The following PCDH15 variants were observed in gnomAD, a reference collection of about 807,000 sequenced individuals.
PCDH15 encodes protocadherin-15.
In PCDH15, 129 loss-of-function variants were observed where a neutral mutation model predicts 178.5. The observed-to-expected ratio is 0.72, with a 90% confidence interval of 0.63 to 0.84. The LOEUF (loss-of-function observed/expected upper bound fraction) is 0.84. Among genes scored for constraint, PCDH15 ranks in the 40% least tolerant of loss-of-function variants. The pLI is 0.00. For synonymous variants in PCDH15, 800 were observed against 732.0 expected, an observed-to-expected ratio of 1.09 and a Z score of -1.50; for missense variants, 2,230 against 2,099.9, an observed-to-expected ratio of 1.06 and a Z score of -1.21.
At chr10:55,112,313 C>T (rs1258453298) in intron 2 of PCDH15, among the ~76,000 whole-genome samples, 1 of 152,000 alleles carries the variant, frequency 6.6e-6, no homozygotes, top group Non-Finnish European at 1.5e-5. Flanking sequence ...GTTTTCTTGC[C>T]CTCTGTCCAC....
intron 2 of PCDH15, among the ~76,000 whole-genome samples, chr10:55,478,836 A>AAAT (rs1325776216): frequency 1.3e-5 from 2 of 150,828 alleles, no homozygotes; most frequent in Non-Finnish European, 3.0e-5. Context: ...AAAGATCATT[A>AAAT]AATAATATTA....
intron 2 of PCDH15, among the ~76,000 whole-genome samples, chr10:55,357,315 A>G (rs1845104761): frequency 6.6e-6 from 1 of 151,986 alleles, no homozygotes; most frequent in Non-Finnish European, 1.5e-5. Context: ...ATTCTAGAAT[A>G]AAACACAGAT....
intron 3 of PCDH15, among the ~76,000 whole-genome samples, chr10:54,826,155 G>A (rs1953129144): frequency 6.6e-6 from 1 of 151,620 alleles, no homozygotes; most frequent in Admixed American, 6.6e-5. Flanking sequence ...TAGATACCTT[G>A]TCTTTTTTAT....
chr10:54,210,124 G>A (rs2384419), intron 10 of PCDH15, among the ~76,000 whole-genome samples: 136,929 of 152,158 alleles, frequency 0.9, 61,776 homozygotes, highest in East Asian at 0.98. Flanking sequence ...GCAGTCATAA[G>A]TAGCTTTAGT....
intron 1 of PCDH15, among the ~76,000 whole-genome samples, chr10:54,767,791 T>C (rs1456101562): frequency 6.6e-6 from 1 of 152,128 alleles, no homozygotes; most frequent in Non-Finnish European, 1.5e-5. Flanking sequence ...GCCTCAATAC[T>C]GTCAAGGTCA....
intron 1 of PCDH15, among the ~76,000 whole-genome samples, chr10:55,188,134 A>C (rs922630946): frequency 9.9e-5 from 15 of 151,960 alleles, no homozygotes; most frequent in Admixed American, 8.5e-4. Flanking sequence ...ACAGTTTAAA[A>C]CATGTGCAAC....
At chr10:55,505,229 CAATT>C (rs1362699806) in intron 2 of PCDH15, among the ~76,000 whole-genome samples, 1 of 151,062 alleles carries the variant, frequency 6.6e-6, no homozygotes, top group Non-Finnish European at 1.5e-5. Context: ...TACATCTTGA[CAATT>C]AATTTTAGTA....
At chr10:55,406,865 AAG>A (rs1255821272) in intron 2 of PCDH15, among the ~76,000 whole-genome samples, 1 of 152,242 alleles carries the variant, frequency 6.6e-6, no homozygotes, top group East Asian at 1.9e-4. Context: ...GGTATAAAAC[AAG>A]AGACTCCAGT....
At chr10:54,601,942 T>C (rs2092555998) in intron 2 of PCDH15, among the ~76,000 whole-genome samples, 1 of 151,696 alleles carries the variant, frequency 6.6e-6, no homozygotes. Context: ...TGAAAACACA[T>C]GGACACAAAG....
chr10:55,220,376 A>G (rs986841362), intron 1 of PCDH15, among the ~76,000 whole-genome samples: 10 of 152,064 alleles, frequency 6.6e-5, no homozygotes, highest in Non-Finnish European at 1.5e-5. Context: ...CTAACTTGTC[A>G]TTTAAAAAAT....
intron 2 of PCDH15, among the ~76,000 whole-genome samples, chr10:54,545,653 T>A (rs2085762406): frequency 6.6e-6 from 1 of 152,068 alleles, no homozygotes; most frequent in Admixed American, 6.6e-5. Context: ...GAATGAAAAA[T>A]TTTACTTTGG....
At position 54,781,664 on chromosome 10, in the gene PCDH15, T is replaced by A. The variant is rs373993447; in HGVS notation, c.-29+19261A>T. ...GGAAAAAGGTTTTGAATAAAAATTA[T>A]TATTTTCTAAATATCTGAACTGTAA... On this transcript the variant is annotated intron_variant, in intron 1 of 37. Transcript: ENST00000644397. 2.6e-4 allele frequency among the ~76,000 whole-genome samples: 40 copies of A among 152,308 alleles called. 1 individual carries two copies. In the South Asian group the frequency reaches 8.3e-3, roughly 32 times the overall value.
rs1217857945 is a variant in PCDH15 at position 54,020,345 on chromosome 10, T to G, written c.2598A>C (p.Ala866=). The change falls in exon 20 of 38, where the codon GCA becomes GCC. Residue 866 remains alanine (A), a synonymous_variant. Coordinates refer to ENST00000644397, the MANE Select transcript of PCDH15 (RefSeq NM_001384140.1). ...ATAGTTCTCCTGTAAATGGATGTAG[T>G]GCAAAAAAGTGCTTCACTTCTGGGC... The part of the protein sequence containing the change: ...IRSPEVKHFF[A]LHPFTGELSL... 6.2e-7 allele frequency: 1 copy of G among 1,613,818 alleles called. No individual in the cohort carries two copies. The highest frequency in any genetic ancestry group is 1.1e-5 in the South Asian group (1 of 91,074).
chr10:55,481,704 T>C (rs192889111), intron 2 of PCDH15, among the ~76,000 whole-genome samples: 138 of 151,924 alleles, frequency 9.1e-4, no homozygotes, highest in African/African-American at 3.1e-3. Flanking sequence ...AGAGACTGTT[T>C]GTTATTATTT....
intron 2 of PCDH15, among the ~76,000 whole-genome samples, chr10:55,550,237 A>G (rs1841976962): frequency 6.6e-6 from 1 of 152,142 alleles, no homozygotes; most frequent in Non-Finnish European, 1.5e-5. Flanking sequence ...TCTATCCTTT[A>G]TTCATCTACT....
chr10:55,489,750 G>C (rs1840372674), intron 2 of PCDH15, among the ~76,000 whole-genome samples: 1 of 151,600 alleles, frequency 6.6e-6, no homozygotes, highest in Admixed American at 6.6e-5. Context: ...GGCTTGGGTA[G>C]TAAATATTAT....
rs371408781 is a variant in PCDH15 at position 54,930,182 on chromosome 10, A to G, written c.-79-32682T>C. Reference sequence around the variant, plus strand: ...GGAGCACACAACGTGGAGCCAACCAAGTAAAAAATCCATTTGCATAATAAA... The same window carrying G: ...GGAGCACACAACGTGGAGCCAACCAGGTAAAAAATCCATTTGCATAATAAA... On this transcript the variant is annotated intron_variant, in intron 2 of 5. Coordinates refer to the PCDH15 transcript ENST00000458638. 2.4e-4 allele frequency among the ~76,000 whole-genome samples: 37 copies of G among 152,290 alleles called. 1 individual carries two copies. The South Asian group carries it at 5.6e-3, about 23-fold the overall frequency.
intron 2 of PCDH15, among the ~76,000 whole-genome samples, chr10:55,447,742 T>A (rs1467027051): frequency 6.6e-6 from 1 of 152,074 alleles, no homozygotes; most frequent in Admixed American, 6.6e-5. Context: ...AGATTAGAAT[T>A]ATGTTCACAT....
chr10:54,821,286 T>C (rs1953035034), intron 3 of PCDH15, among the ~76,000 whole-genome samples: 1 of 152,064 alleles, frequency 6.6e-6, no homozygotes, highest in Non-Finnish European at 1.5e-5. Context: ...TACCTAAGTA[T>C]AGTGTTTTGA....
Sources: gnomAD v4.1 joint callset for allele counts (sites outside exome capture counted in the v4.1 genomes callset) on GRCh38, gnomAD v4.1.1 for gene constraint, MANE v1.5 for transcripts, NCBI Gene and HGNC (gene_info 2026-07-23, HGNC 2026-07-21) for gene names.